PRKG1: variants seen among roughly 807,000 people sequenced by gnomAD.
The protein encoded by PRKG1 is cGMP-dependent protein kinase 1.
A neutral mutation model predicts 88.1 loss-of-function variants in PRKG1; 35 were observed. That is an observed-to-expected ratio of 0.40 (90% confidence interval 0.30 to 0.53). The LOEUF is 0.53. PRKG1 is among the 20% of genes least tolerant of loss of function. The probability of loss-of-function intolerance (pLI) is 0.59; values close to 1 mark genes in which losing one functional copy is unlikely to be tolerated. For missense variants in PRKG1, 540 were observed against 839.8 expected (o/e 0.64, Z 4.41); for synonymous variants, 303 against 292.5 (o/e 1.04, Z -0.37).
chr10:52,171,146 G>GT (rs777572088), intron 9 of PRKG1, among the ~76,000 whole-genome samples: 9,454 of 77,874 alleles, frequency 0.12, 670 homozygotes, highest in East Asian at 0.37. Flanking sequence ...TTTTGGTTTT[G>GT]TTTTTTTTTT....
Position 50,991,074 on chromosome 10 carries a change from T to A in PRKG1, c.-305T>A, listed in dbSNP as rs1392775886. ...GGGGAGGAAGGGCAGCTCTAATTGGTTTCTCAATGAAAGATAATCACCTAC... is the reference window on the plus strand; with the variant it reads ...GGGGAGGAAGGGCAGCTCTAATTGGATTCTCAATGAAAGATAATCACCTAC... On this transcript the variant is annotated 5_prime_UTR_variant, in exon 1 of 18. Coordinates refer to the PRKG1 transcript ENST00000401604. The surrounding 1 kb of genome is among the most constrained non-coding windows in gnomAD (Gnocchi z 4.5). The A allele has an allele frequency of 3.5e-6, 1 of 289,174 alleles. No homozygotes were observed. Among genetic ancestry groups the A allele is most frequent in the Admixed American group, 5.3e-5 (1 of 18,784 alleles). The allele number at this position is 289,174 out of a possible 1,614,324, so 17.9% of individuals were successfully genotyped here.
chr10:51,029,751 A>T (rs1843256447), intron 1 of PRKG1, among the ~76,000 whole-genome samples: 1 of 152,126 alleles, frequency 6.6e-6, no homozygotes, highest in African/African-American at 2.4e-5. Context: ...TCTTGTGAGG[A>T]TCAAATGAAA....
At chr10:52,123,024 AT>A (rs1403201134) in intron 7 of PRKG1, among the ~76,000 whole-genome samples, 1 of 152,214 alleles carries the variant, frequency 6.6e-6, no homozygotes, top group Non-Finnish European at 1.5e-5. Flanking sequence ...AGGTTGAACC[AT>A]AGAAAATTGT....
At chr10:51,732,574 G>A (rs1438858218) in intron 3 of PRKG1, among the ~76,000 whole-genome samples, 1 of 152,148 alleles carries the variant, frequency 6.6e-6, no homozygotes, top group Non-Finnish European at 1.5e-5. Context: ...GCATGATCAA[G>A]TTCCTTCCTA....
rs145445034 is a variant in PRKG1, at chr10:51,582,752, G to C, written c.592+114916G>C. On this transcript the variant is annotated intron_variant, in intron 3 of 17. Transcript: ENST00000373980. Reference sequence around the variant, plus strand: ...CATGTCTTTGCTGTTGTGAATAGTGGAGAGTAGCTGCTTTTAATATATGTG... The same window carrying C: ...CATGTCTTTGCTGTTGTGAATAGTGCAGAGTAGCTGCTTTTAATATATGTG... Among the ~76,000 whole-genome samples, 327 of 152,142 alleles carry C rather than the reference G, an allele frequency of 2.1e-3. 2 individuals are homozygous for C. The highest frequency in any genetic ancestry group is 7.5e-3 in the African/African-American group (313 of 41,526).
At chr10:51,435,812 T>A (rs1838912305) in intron 2 of PRKG1, among the ~76,000 whole-genome samples, 1 of 151,944 alleles carries the variant, frequency 6.6e-6, no homozygotes. Flanking sequence ...GTAGATTAGG[T>A]GCCAAGTGCC....
chr10:51,223,478 C>T (rs1212009214), intron 2 of PRKG1, among the ~76,000 whole-genome samples: 2 of 152,070 alleles, frequency 1.3e-5, no homozygotes, highest in African/African-American at 4.8e-5. Flanking sequence ...TTGCACTATG[C>T]CTAGTGCATA....
chr10:51,595,325 A>T (rs1283529973), intron 3 of PRKG1, among the ~76,000 whole-genome samples: 1 of 152,038 alleles, frequency 6.6e-6, no homozygotes, highest in Non-Finnish European at 1.5e-5. Context: ...TTGTTTCAAA[A>T]AATAAACAGA....
chr10:51,462,079 C>A (rs969381796), intron 2 of PRKG1, among the ~76,000 whole-genome samples: 6 of 152,150 alleles, frequency 3.9e-5, no homozygotes, highest in African/African-American at 4.8e-5. Context: ...ACTGTAGAAG[C>A]CATTATGAAA....
intron 3 of PRKG1, among the ~76,000 whole-genome samples, chr10:51,648,451 G>A (rs1839965409): frequency 6.6e-6 from 1 of 152,144 alleles, no homozygotes; most frequent in African/African-American, 2.4e-5. Context: ...TGCCTAAAGA[G>A]TGCATAGTTC....
intron 2 of PRKG1, among the ~76,000 whole-genome samples, chr10:51,171,193 G>C (rs1846695737): frequency 1.3e-5 from 2 of 152,218 alleles, no homozygotes; most frequent in African/African-American, 4.8e-5. Flanking sequence ...CTAAACAGTT[G>C]GAGTAATGGA....
chr10:51,558,557 G>T (rs931886438), intron 3 of PRKG1, among the ~76,000 whole-genome samples: 1 of 152,006 alleles, frequency 6.6e-6, no homozygotes, highest in Non-Finnish European at 1.5e-5. Flanking sequence ...TGTCATCAAT[G>T]GTAAAGTGAG....
At chr10:51,758,818 G>A (rs1352941167) in intron 3 of PRKG1, among the ~76,000 whole-genome samples, 2 of 152,008 alleles carry the variant, frequency 1.3e-5, no homozygotes, top group Non-Finnish European at 2.9e-5. Context: ...CATGCATTAG[G>A]TATTTTTCCT....
chr10:52,244,026 A>G (rs1564529904), intron 9 of PRKG1, among the ~76,000 whole-genome samples: 1 of 152,160 alleles, frequency 6.6e-6, no homozygotes. Context: ...TATATTTTCC[A>G]GAGTAAATTG....
intron 1 of PRKG1, among the ~76,000 whole-genome samples, chr10:51,081,444 G>A (rs1347496953): frequency 2.6e-5 from 4 of 152,204 alleles, no homozygotes; most frequent in African/African-American, 4.8e-5. Flanking sequence ...AGAGTATATC[G>A]AAGGCTTGCC....
At chr10:52,081,776 G>A (rs565381130) in intron 7 of PRKG1, 70 of 423,170 alleles carry the variant, frequency 1.7e-4, no homozygotes, top group African/African-American at 1.2e-3. Flanking sequence ...TAGGGTGGTC[G>A]GTATGGTCCT....
intron 1 of PRKG1, among the ~76,000 whole-genome samples, chr10:51,058,692 G>A (rs1215211412): frequency 6.6e-6 from 1 of 152,106 alleles, no homozygotes; most frequent in Admixed American, 6.6e-5. Flanking sequence ...CTTACAATGA[G>A]TGCTTTCTCT....
At chr10:51,367,700 GTC>G (rs533223486) in intron 2 of PRKG1, among the ~76,000 whole-genome samples, 13 of 151,900 alleles carry the variant, frequency 8.6e-5, no homozygotes, top group Non-Finnish European at 1.8e-4. Context: ...GAACTTCAAA[GTC>G]TCTACCAATT....
chr10:51,340,006 A>T (rs183592724), intron 2 of PRKG1, among the ~76,000 whole-genome samples: 7 of 152,142 alleles, frequency 4.6e-5, no homozygotes, highest in Non-Finnish European at 8.8e-5. Flanking sequence ...CATCAGTAGT[A>T]TGATGAACTG....
Sources: allele counts gnomAD v4.1 joint callset (sites outside exome capture counted in the v4.1 genomes callset), GRCh38; gene constraint gnomAD v4.1.1; non-coding constraint Gnocchi (gnomAD v3.1); transcripts MANE v1.5; gene names NCBI Gene and HGNC (gene_info 2026-07-23, HGNC 2026-07-21).